LMBR1: variants seen among roughly 807,000 people sequenced by gnomAD.
LMBR1 encodes limb region 1 protein homolog.
In LMBR1, 52 loss-of-function variants were observed where a neutral mutation model predicts 73.9. The ratio of observed to expected loss-of-function variants is 0.70; its 90% CI spans 0.56 to 0.89. The LOEUF (loss-of-function observed/expected upper bound fraction) is 0.89, where lower values mean the gene tolerates loss of function less well. LMBR1 is among the 40% of genes least tolerant of loss of function. The pLI, the probability that LMBR1 is intolerant of heterozygous loss-of-function variation, is 0.00. For missense variants in LMBR1, 539 were observed against 579.8 expected, an observed-to-expected ratio of 0.93 and a Z score of 0.72; for synonymous variants, 215 against 209.4, an observed-to-expected ratio of 1.03 and a Z score of -0.23.
Position 156,763,184 on chromosome 7 carries a change from A to G in LMBR1, c.551-8T>C. On this transcript the variant is annotated splice_polypyrimidine_tract_variant and splice_region_variant and intron_variant, in intron 6 of 16. Transcript: ENST00000353442. ...GATAGAACTCCCAGAGATCTATTAA[A>G]AAAAAGTAAATATATTTTAATAAAT... 1 of 1,199,382 alleles carries G rather than the reference A, an allele frequency of 8.3e-7. No homozygotes were observed. Among genetic ancestry groups the G allele is most frequent in the Non-Finnish European group, 1.2e-6 (1 of 839,790 alleles). 74.3% of individuals were successfully genotyped at this position (1,199,382 alleles called of 1,614,324 possible).
Position 156,768,516 on chromosome 7 carries a change from T to C in LMBR1, c.424-4721A>G, listed in dbSNP as rs1046226645. On this transcript the variant is annotated intron_variant, in intron 5 of 16. Coordinates refer to ENST00000353442, the MANE Select transcript of LMBR1 (RefSeq NM_022458.4). ...ATTGTGATGGGCTGCCACCACTCAG[T>C]GAATACCATCAGCTTCTGATGCAGC... Among the ~76,000 whole-genome samples, 5 of 152,170 alleles carry C rather than the reference T, an allele frequency of 3.3e-5. No homozygotes were observed. The East Asian group carries it at 9.6e-4, about 29-fold the overall frequency.
In LMBR1 at chr7:156,727,968, G is replaced by A; in HGVS notation, c.955C>T (p.Leu319=). 6.2e-7 allele frequency: 1 copy of A among 1,613,332 alleles called. No individual in the cohort carries two copies. Among genetic ancestry groups the A allele is most frequent in the South Asian group, 1.1e-5 (1 of 91,030 alleles). ...GGCATTGCTGTTTCATCAACCAATA[G>A]GCAAAGAATATTACAAGCCACCAAG... is the stretch of plus-strand genomic sequence containing the variant. ...VLLVACNILC[L]LVDETAMPKG... is the part of the protein sequence containing the mutation. Residue 319 remains leucine (L), a synonymous_variant, in exon 12 of 17, where the codon CTA becomes TTA. Coordinates refer to ENST00000353442, the MANE Select transcript of LMBR1 (RefSeq NM_022458.4).
At chr7:156,777,948 A>G (rs938329050) in intron 5 of LMBR1, among the ~76,000 whole-genome samples, 3 of 152,128 alleles carry the variant, frequency 2.0e-5, no homozygotes, top group African/African-American at 7.2e-5. Flanking sequence ...GTCCAGTCAA[A>G]CACCAAGTGC....
At chr7:156,719,146 A>G (rs1031262394) in intron 15 of LMBR1, among the ~76,000 whole-genome samples, 1 of 74,492 alleles carries the variant, frequency 1.3e-5, no homozygotes. Context: ...CCCACCCCAC[A>G]ACAGTCCCCA....
Position 156,834,269 on chromosome 7 carries a change from T to C in LMBR1, c.140-477A>G, listed in dbSNP as rs576818130. Reference sequence around the variant, plus strand: ...AGTCTCCTGGACCATCCTAAATAACTTGGATACTACTGCCTCAGTAACTCA... The same window carrying C: ...AGTCTCCTGGACCATCCTAAATAACCTGGATACTACTGCCTCAGTAACTCA... On this transcript the variant is annotated intron_variant, in intron 2 of 16. Coordinates refer to ENST00000353442, the MANE Select transcript of LMBR1 (RefSeq NM_022458.4). Among the ~76,000 whole-genome samples the C allele has an allele frequency of 5.3e-5, 8 of 152,290 alleles. No individual in the cohort carries two copies. The South Asian group carries it at 1.0e-3, about 20-fold the overall frequency.
intron 1 of LMBR1, among the ~76,000 whole-genome samples, chr7:156,864,569 C>G (rs565623346): frequency 3.9e-5 from 6 of 152,134 alleles, no homozygotes; most frequent in Non-Finnish European, 7.4e-5. Flanking sequence ...GAGAAAATAA[C>G]ATTTTCATAT....
intron 1 of LMBR1, among the ~76,000 whole-genome samples, chr7:156,872,492 A>T (rs1799447204): frequency 6.6e-6 from 1 of 151,972 alleles, no homozygotes; most frequent in African/African-American, 2.4e-5. Flanking sequence ...TACTAAAAAT[A>T]AAAATTTAGC....
At chr7:156,714,294 C>T (rs1244869747) in intron 15 of LMBR1, among the ~76,000 whole-genome samples, 6 of 152,148 alleles carry the variant, frequency 3.9e-5, no homozygotes, top group East Asian at 1.9e-4. Flanking sequence ...TGAGAGTGCA[C>T]GGGAGATACC....
At chr7:156,779,005 C>T (rs10274927) in intron 5 of LMBR1, among the ~76,000 whole-genome samples, 7,597 of 152,216 alleles carry the variant, frequency 0.05, 246 homozygotes, top group East Asian at 0.15. Flanking sequence ...TATTAAAATG[C>T]GCTTCAAACA....
At chr7:156,733,902 G>T in intron 10 of LMBR1, 1 of 253,134 alleles carries the variant, frequency 4.0e-6, no homozygotes. Flanking sequence ...CAGATGACTT[G>T]TTGGAAATAA....
Position 156,893,159 on chromosome 7 carries a change from C to T in LMBR1, c.-166G>A, listed in dbSNP as rs950871030. On this transcript the variant is annotated 5_prime_UTR_variant, in exon 1 of 17. Transcript: ENST00000353442. ...ACCACGACACCGGCCGTCGCCTCAG[C>T]AGCCTCAGACGAGCAGCTCTGACTA... 2.6e-4 allele frequency: 143 copies of T among 549,124 alleles called. No individual in the cohort carries two copies. Among genetic ancestry groups the T allele is most frequent in the Admixed American group, 1.5e-3 (32 of 21,886 alleles). 34.0% of individuals were successfully genotyped at this position (549,124 alleles called of 1,614,324 possible). A position where few individuals can be genotyped will look rare whatever the true frequency, so the allele number is the denominator to read the frequency against.
chr7:156,843,276 C>T (rs752270380), intron 1 of LMBR1, among the ~76,000 whole-genome samples: 24 of 152,188 alleles, frequency 1.6e-4, no homozygotes, highest in Admixed American at 9.2e-4. Context: ...CAAGGAAGCC[C>T]CTGACCACAG....
chr7:156,850,357 C>T (rs901390009), intron 1 of LMBR1, among the ~76,000 whole-genome samples: 3 of 152,178 alleles, frequency 2.0e-5, no homozygotes, highest in African/African-American at 7.2e-5. Flanking sequence ...ATATATTATC[C>T]AGCCTGTGGT....
intron 5 of LMBR1, among the ~76,000 whole-genome samples, chr7:156,767,578 A>C (rs2132999780): frequency 6.6e-6 from 1 of 152,168 alleles, no homozygotes; most frequent in African/African-American, 2.4e-5. Context: ...TAAAAACTTA[A>C]GGTTACCACT....
At chr7:156,853,741 C>T (rs1796560836) in intron 1 of LMBR1, among the ~76,000 whole-genome samples, 1 of 152,032 alleles carries the variant, frequency 6.6e-6, no homozygotes, top group African/African-American at 2.4e-5. Flanking sequence ...CTGCAACCTC[C>T]ACTTCCTGGG....
intron 4 of LMBR1, among the ~76,000 whole-genome samples, chr7:156,803,344 T>A (rs1295497802): frequency 1.3e-5 from 2 of 151,572 alleles, no homozygotes; most frequent in East Asian, 1.9e-4. Flanking sequence ...GGGCGAAGGA[T>A]ATGAACAGAC....
chr7:156,842,067 G>C (rs139917480), intron 1 of LMBR1, among the ~76,000 whole-genome samples: 2 of 150,770 alleles, frequency 1.3e-5, no homozygotes, highest in African/African-American at 4.9e-5. Flanking sequence ...AGGTAGTTAC[G>C]TGTGGTGAAA....
At position 156,707,816 on chromosome 7, in the gene LMBR1, G is replaced by A. The variant is rs150267270; in HGVS notation, c.1225+16296C>T. On this transcript the variant is annotated intron_variant, in intron 15 of 16. Transcript: ENST00000353442. ...ATTTTCACCACTCCTATTCAACAGA[G>A]TACTGACAGTTCTAGCCAGAACAAT... 2.7e-3 allele frequency among the ~76,000 whole-genome samples: 405 copies of A among 152,218 alleles called. 2 individuals are homozygous for A. Among genetic ancestry groups the A allele is most frequent in the African/African-American group, 9.3e-3 (388 of 41,540 alleles).
At chr7:156,767,737 TAACAA>T (rs1403507849) in intron 5 of LMBR1, among the ~76,000 whole-genome samples, 2 of 151,774 alleles carry the variant, frequency 1.3e-5, no homozygotes, top group African/African-American at 4.8e-5. Flanking sequence ...AATATAAACA[TAACAA>T]AATATATAAA....
Sources: gnomAD v4.1 joint callset for allele counts (sites outside exome capture counted in the v4.1 genomes callset) on GRCh38, gnomAD v4.1.1 for gene constraint, MANE v1.5 for transcripts, NCBI Gene and HGNC (gene_info 2026-07-23, HGNC 2026-07-21) for gene names.